The following FRMD4B variants were observed in gnomAD, a reference collection of about 807,000 sequenced individuals.
FRMD4B encodes the protein FERM domain-containing protein 4B.
A neutral mutation model predicts 141.5 loss-of-function variants in FRMD4B; 74 were observed. The observed-to-expected ratio is 0.52, with a 90% CI of 0.43 to 0.63. FRMD4B has a LOEUF of 0.63. FRMD4B is among the 30% of genes least tolerant of loss of function. FRMD4B has a pLI of 0.00. For missense variants in FRMD4B, 1,366 were observed against 1,253.4 expected, an observed-to-expected ratio of 1.09 and a Z score of -1.36; for synonymous variants, 506 against 467.9, an observed-to-expected ratio of 1.08 and a Z score of -1.05.
intron 1 of FRMD4B, among the ~76,000 whole-genome samples, chr3:69,519,286 C>T (rs1231845011): frequency 6.6e-6 from 1 of 152,136 alleles, no homozygotes; most frequent in Non-Finnish European, 1.5e-5. Flanking sequence ...TGAATGTGTG[C>T]ATGGCTGGGG....
intron 11 of FRMD4B, among the ~76,000 whole-genome samples, chr3:69,211,398 A>G (rs1327839908): frequency 6.6e-6 from 1 of 152,184 alleles, no homozygotes; most frequent in African/African-American, 2.4e-5. Flanking sequence ...GGTTGAAAAC[A>G]ACTTGTTGGC....
chr3:69,472,324 A>G, intron 1 of FRMD4B: 1 of 466,506 alleles, frequency 2.1e-6, no homozygotes, highest in Non-Finnish European at 4.3e-6. Context: ...TGCATATTAC[A>G]GATGCAACTC....
chr3:69,536,170 C>T (rs145634119), intron 1 of FRMD4B: 456 of 540,808 alleles, frequency 8.4e-4, no homozygotes, highest in African/African-American at 7.1e-3. Flanking sequence ...CTGGCCTCTT[C>T]GCTGCCTTCT....
At chr3:69,261,422 A>G (rs1559759900) in intron 5 of FRMD4B, among the ~76,000 whole-genome samples, 2 of 152,226 alleles carry the variant, frequency 1.3e-5, no homozygotes, top group African/African-American at 2.4e-5. Flanking sequence ...CTTTTAGTGT[A>G]TTTAACTTAT....
chr3:69,508,370 T>A (rs1301084432), intron 1 of FRMD4B, among the ~76,000 whole-genome samples: 1 of 152,196 alleles, frequency 6.6e-6, no homozygotes, highest in Non-Finnish European at 1.5e-5. Flanking sequence ...AAATATCAAT[T>A]TTATCAACAG....
chr3:69,270,143 G>A lies in FRMD4B; in HGVS notation c.501+17609C>T, dbSNP rs556661009. Among the ~76,000 whole-genome samples, 5 of 152,198 alleles carry A rather than the reference G, an allele frequency of 3.3e-5. No homozygotes were observed. The East Asian group carries it at 7.7e-4, about 24-fold the overall frequency. ...CAATCCTCCTGCCTTGGCCTACGGC[G>A]TAGCCAGGACTACAGGTGCATGTCA... is the stretch of plus-strand genomic sequence containing the variant. On this transcript the variant is annotated intron_variant, in intron 5 of 22. Coordinates refer to ENST00000398540, the MANE Select transcript of FRMD4B (RefSeq NM_015123.3).
intron 1 of FRMD4B, chr3:69,353,809 C>T (rs530681554): frequency 1.7e-5 from 9 of 542,962 alleles, no homozygotes; most frequent in South Asian, 8.0e-5. Context: ...ATATGAGTCA[C>T]GGGAGAAATG....
chr3:69,278,196 G>C (rs2093627612), intron 5 of FRMD4B, among the ~76,000 whole-genome samples: 1 of 152,180 alleles, frequency 6.6e-6, no homozygotes, highest in South Asian at 2.1e-4. Context: ...CCATTAATAA[G>C]TATTGCTTTA....
intron 9 of FRMD4B, 61 bp from the exon 10 acceptor site, chr3:69,218,440 A>C (rs1471019479): frequency 1.4e-6 from 1 of 701,526 alleles, no homozygotes; most frequent in Non-Finnish European, 2.5e-6. Context: ...CTTTTGGGAA[A>C]AGTGATTTAA....
chr3:69,216,621 G>A (rs546159171), intron 10 of FRMD4B, among the ~76,000 whole-genome samples: 4 of 151,610 alleles, frequency 2.6e-5, no homozygotes, highest in Admixed American at 6.6e-5. Flanking sequence ...TAGTAGAGAC[G>A]GGGTTTCACT....
chr3:69,221,221 C>T (rs1419878544), intron 9 of FRMD4B, among the ~76,000 whole-genome samples: 2 of 152,100 alleles, frequency 1.3e-5, no homozygotes, highest in African/African-American at 2.4e-5. Context: ...CCTCAGCCTA[C>T]CAAAATGCTG....
chr3:69,484,872 T>A (rs1706187314), intron 1 of FRMD4B, among the ~76,000 whole-genome samples: 1 of 152,110 alleles, frequency 6.6e-6, no homozygotes. Flanking sequence ...TGGGCAGCCA[T>A]GGGCAGGCCC....
chr3:69,506,189 C>T (rs72937412), intron 1 of FRMD4B, among the ~76,000 whole-genome samples: 4,727 of 152,126 alleles, frequency 0.031, 206 homozygotes, highest in East Asian at 0.12. Context: ...TGTTATTATC[C>T]GTGGTGCTGA....
At chr3:69,471,430 A>G (rs1705890291) in intron 1 of FRMD4B, 1 of 247,694 alleles carries the variant, frequency 4.0e-6, no homozygotes, top group Admixed American at 4.0e-5. Flanking sequence ...CCTTATCACT[A>G]TATTGCTGAG....
At chr3:69,323,608 GTATATATATATATA>G (rs55847019) in intron 1 of FRMD4B, among the ~76,000 whole-genome samples, 6,975 of 101,538 alleles carry the variant, frequency 0.069, 328 homozygotes, top group East Asian at 0.19. Context: ...CTCTCTCTGT[GTATATATATATATA>G]TATATATATA....
intron 9 of FRMD4B, among the ~76,000 whole-genome samples, chr3:69,221,589 G>A (rs763613690): frequency 6.6e-6 from 1 of 152,148 alleles, no homozygotes; most frequent in Admixed American, 6.5e-5. Context: ...CAGGATGAAA[G>A]CTCACCTGTT....
intron 1 of FRMD4B, among the ~76,000 whole-genome samples, chr3:69,353,164 C>T (rs150265628): frequency 4.5e-4 from 69 of 151,904 alleles, no homozygotes; most frequent in African/African-American, 1.5e-3. Flanking sequence ...GAATTACATA[C>T]TTCATATTTG....
intron 6 of FRMD4B, 130 bp downstream of exon 6, chr3:69,249,913 A>G: frequency 1.5e-6 from 1 of 687,304 alleles, no homozygotes; most frequent in Non-Finnish European, 2.6e-6. Context: ...CACATTTTTC[A>G]TCGGCAAACA....
In FRMD4B at chr3:69,181,058, G is replaced by C. The variant is rs1367446163; in HGVS notation, c.2692C>G (p.His898Asp). 3 of 1,613,886 alleles carry C rather than the reference G, an allele frequency of 1.9e-6. No individual in the cohort carries two copies. Among genetic ancestry groups the C allele is most frequent in the Non-Finnish European group, 2.5e-6 (3 of 1,179,892 alleles). ...GCCCGCTGGTACCAGCCACGCAAGT[G>C]CTCGGCAACTAAGGCCTTGTGGATG... ...KNIHKALVAE[H>D]LRGWYQRASG... Residue 898 changes from histidine (H) to aspartate (D), a missense_variant, in exon 21 of 23, where the codon CAC becomes GAC. His to Asp is a moderately conservative substitution (Grantham distance 81). Coordinates refer to ENST00000398540, the MANE Select transcript of FRMD4B (RefSeq NM_015123.3).
Sources: gnomAD v4.1 joint callset for allele counts (sites outside exome capture counted in the v4.1 genomes callset) on GRCh38, gnomAD v4.1.1 for gene constraint, MANE v1.5 for transcripts, NCBI Gene and HGNC (gene_info 2026-07-23, HGNC 2026-07-21) for gene names.